Variants in CTNNA2 observed in about 807,000 individuals in gnomAD.
CTNNA2 encodes catenin alpha 2.
CTNNA2 carries 42 observed loss-of-function variants against 101.0 expected under a neutral mutation model. The observed-to-expected ratio is 0.42, with a 90% confidence interval of 0.32 to 0.54. CTNNA2 has a LOEUF of 0.54. Ranked by LOEUF, CTNNA2 falls within the 20% of genes least tolerant of loss-of-function variation. The pLI, the probability that CTNNA2 is intolerant of heterozygous loss-of-function variation, is 0.14. For synonymous variants in CTNNA2, 450 were observed against 456.4 expected, an observed-to-expected ratio of 0.99 and a Z score of 0.18; for missense variants, 871 against 1,223.1, an observed-to-expected ratio of 0.71 and a Z score of 4.29.
rs60132060 is a variant in CTNNA2, at chr2:80,596,279, G to GTTTTTTTTTTTTTTTTTTT, written c.2189+6824_2189+6842dup. Among the ~76,000 whole-genome samples, 14 of 35,324 alleles carry GTTTTTTTTTTTTTTTTTTT rather than the reference G, an allele frequency of 4.0e-4. 5 individuals are homozygous for GTTTTTTTTTTTTTTTTTTT. Among genetic ancestry groups the GTTTTTTTTTTTTTTTTTTT allele is most frequent in the Admixed American group, 1.7e-3 (4 of 2,318 alleles). 23.2% of individuals were successfully genotyped at this position (35,324 alleles called of 152,430 possible). A position where few individuals can be genotyped will look rare whatever the true frequency, so the allele number is the denominator to read the frequency against. On this transcript the variant is annotated intron_variant, in intron 15 of 18. Transcript: ENST00000402739. The stretch of plus-strand genomic sequence containing the variant: ...AGTTTTTTTGGGCTGAGACAAGGTT[G>GTTTTTTTTTTTTTTTTTTT]TTTTTTTTTTTTTTTTTTTTTTTTT...
At chr2:80,575,799 C>A (rs1234231763) in intron 13 of CTNNA2, among the ~76,000 whole-genome samples, 1 of 152,086 alleles carries the variant, frequency 6.6e-6, no homozygotes, top group Non-Finnish European at 1.5e-5. Flanking sequence ...TACACACACA[C>A]AATTTTAGAT....
intron 3 of CTNNA2, among the ~76,000 whole-genome samples, chr2:79,752,548 G>A (rs993957626): frequency 1.3e-5 from 2 of 152,190 alleles, no homozygotes; most frequent in Non-Finnish European, 2.9e-5. Context: ...GATGTAGGTA[G>A]GAATGCTAAC....
At chr2:80,264,832 A>C (rs971530749) in intron 7 of CTNNA2, among the ~76,000 whole-genome samples, 1 of 152,154 alleles carries the variant, frequency 6.6e-6, no homozygotes, top group Non-Finnish European at 1.5e-5. Context: ...TGTGGAGCTC[A>C]AGGTTTGTAG....
chr2:79,250,602 T>C (rs537659704), intron 2 of CTNNA2, among the ~76,000 whole-genome samples: 1 of 152,308 alleles, frequency 6.6e-6, no homozygotes, highest in Admixed American at 6.5e-5. Context: ...AATGGCCCTA[T>C]CTCAAAGCCC....
At chr2:80,034,394 C>T (rs564203106) in intron 7 of CTNNA2, among the ~76,000 whole-genome samples, 9 of 145,056 alleles carry the variant, frequency 6.2e-5, no homozygotes, top group Admixed American at 5.6e-4. Context: ...CGCTCTGTCA[C>T]CCAAGCTGGA....
At position 79,983,931 on chromosome 2, in the gene CTNNA2, G is replaced by A. The variant is rs184445821; in HGVS notation, c.1056+74134G>A. 9.2e-4 allele frequency among the ~76,000 whole-genome samples: 140 copies of A among 151,974 alleles called. 1 individual carries two copies. The highest frequency in any genetic ancestry group is 3.1e-3 in the African/African-American group (129 of 41,444). ...TAATCCAAATTGCACTGAAAACTTTGGAACATAGTTCTTTTTCAGATAGGG... is the reference window on the plus strand; with the variant it reads ...TAATCCAAATTGCACTGAAAACTTTAGAACATAGTTCTTTTTCAGATAGGG... On this transcript the variant is annotated intron_variant, in intron 7 of 18. Transcript: ENST00000402739.
intron 9 of CTNNA2, among the ~76,000 whole-genome samples, chr2:80,525,033 T>A (rs1689907606): frequency 6.6e-6 from 1 of 152,036 alleles, no homozygotes; most frequent in African/African-American, 2.4e-5. Context: ...GGTGCACCCA[T>A]CACTGAGCAG....
chr2:80,270,634 G>A (rs1312459370), intron 7 of CTNNA2, among the ~76,000 whole-genome samples: 1 of 152,116 alleles, frequency 6.6e-6, no homozygotes, highest in Non-Finnish European at 1.5e-5. Flanking sequence ...CACTGTTTCT[G>A]AGTCTGACAA....
At chr2:79,640,315 C>T (rs576646755) in intron 1 of CTNNA2, among the ~76,000 whole-genome samples, 8 of 152,054 alleles carry the variant, frequency 5.3e-5, no homozygotes, top group African/African-American at 1.9e-4. Context: ...GGAAGACTTC[C>T]TAGGAGGCAT....
chr2:79,870,888 A>G (rs761758678), intron 5 of CTNNA2, among the ~76,000 whole-genome samples: 3 of 152,074 alleles, frequency 2.0e-5, no homozygotes, highest in Non-Finnish European at 4.4e-5. Flanking sequence ...CCCTCCCTCC[A>G]CATGTGGGGT....
At chr2:79,276,360 G>A (rs1160057032) in intron 2 of CTNNA2, among the ~76,000 whole-genome samples, 1 of 151,996 alleles carries the variant, frequency 6.6e-6, no homozygotes, top group Admixed American at 6.6e-5. Flanking sequence ...TGGTTTTGTC[G>A]ACTTTTTCTT....
chr2:79,956,785 C>T (rs58486222), intron 7 of CTNNA2, among the ~76,000 whole-genome samples: 5 of 141,064 alleles, frequency 3.5e-5, no homozygotes, highest in Non-Finnish European at 3.0e-5. Flanking sequence ...AATACAATGT[C>T]TTATCCAGAG....
At chr2:80,230,472 T>G (rs969928082) in intron 7 of CTNNA2, among the ~76,000 whole-genome samples, 2 of 152,126 alleles carry the variant, frequency 1.3e-5, no homozygotes, top group Non-Finnish European at 2.9e-5. Flanking sequence ...TATGCCCTCA[T>G]GTCTCTGGAT....
intron 2 of CTNNA2, among the ~76,000 whole-genome samples, chr2:79,214,999 T>G (rs545387624): frequency 1.3e-5 from 2 of 152,164 alleles, no homozygotes; most frequent in African/African-American, 4.8e-5. Flanking sequence ...CGGACTTACC[T>G]TCCACTGTGA....
chr2:80,412,452 T>C (rs1679671196), intron 8 of CTNNA2, among the ~76,000 whole-genome samples: 1 of 152,076 alleles, frequency 6.6e-6, no homozygotes, highest in Non-Finnish European at 1.5e-5. Flanking sequence ...ACATGAGGAG[T>C]AGACTACTGT....
At chr2:80,423,578 T>G (rs1032841227) in intron 9 of CTNNA2, among the ~76,000 whole-genome samples, 1 of 152,196 alleles carries the variant, frequency 6.6e-6, no homozygotes, top group African/African-American at 2.4e-5. Context: ...GGATCAATTT[T>G]GTTTTTGTTT....
At position 80,026,843 on chromosome 2, in the gene CTNNA2, C is replaced by G. The variant is rs1694960560; in HGVS notation, c.1056+117046C>G. 2.0e-5 allele frequency among the ~76,000 whole-genome samples: 3 copies of G among 152,062 alleles called. No individual in the cohort carries two copies. In the South Asian group the frequency reaches 6.2e-4, roughly 32 times the overall value. On this transcript the variant is annotated intron_variant, in intron 7 of 18. Coordinates refer to ENST00000402739, the MANE Select transcript of CTNNA2 (RefSeq NM_001282597.3). ...ATCTTTTGAAAAATATATATAATCC[C>G]TTAAATTTATAGTTTCAAAAATGTT... is the stretch of plus-strand genomic sequence containing the variant.
At position 80,218,454 on chromosome 2, in the gene CTNNA2, G is replaced by A. The variant is rs1412318042; in HGVS notation, c.1057-174757G>A. Reference sequence around the variant, plus strand: ...ATTTAAAGGGATTGCCCTTGGGGCAGACATCCGATTATTGACCAATGTATT... The same window carrying A: ...ATTTAAAGGGATTGCCCTTGGGGCAAACATCCGATTATTGACCAATGTATT... On this transcript the variant is annotated intron_variant, in intron 7 of 18. Transcript: ENST00000402739. Among the ~76,000 whole-genome samples, 3 of 152,230 alleles carry A rather than the reference G, an allele frequency of 2.0e-5. No individual in the cohort carries two copies. In the East Asian group the frequency reaches 5.8e-4, roughly 29 times the overall value.
chr2:80,256,342 C>G (rs1002093361), intron 7 of CTNNA2, among the ~76,000 whole-genome samples: 2 of 152,150 alleles, frequency 1.3e-5, no homozygotes, highest in Non-Finnish European at 2.9e-5. Context: ...AGTCCACTCA[C>G]TGATGGGTGT....
Sources: allele counts gnomAD v4.1 joint callset (sites outside exome capture counted in the v4.1 genomes callset), GRCh38; gene constraint gnomAD v4.1.1; transcripts MANE v1.5; gene names NCBI Gene and HGNC (gene_info 2026-07-23, HGNC 2026-07-21).